Variants in RUSC1 observed in about 807,000 individuals in gnomAD.
RUSC1 encodes AP-4 complex accessory subunit RUSC1.
RUSC1 carries 40 observed loss-of-function variants against 72.1 expected under a neutral mutation model. The observed-to-expected ratio is 0.55, with a 90% CI of 0.43 to 0.72. The LOEUF is 0.72. Ranked by LOEUF, RUSC1 falls within the 30% of genes least tolerant of loss-of-function variation. The probability of loss-of-function intolerance (pLI) is 0.00; values close to 1 mark genes in which losing one functional copy is unlikely to be tolerated. For synonymous variants in RUSC1, 512 were observed against 494.2 expected (o/e 1.04, Z -0.48); for missense variants, 1,092 against 1,172.3 (o/e 0.93, Z 1.00).
In RUSC1 at chr1:155,328,033, C is replaced by A. The variant is rs1002277075; in HGVS notation, c.2415-117C>A. 3 of 1,348,178 alleles carry A rather than the reference C, an allele frequency of 2.2e-6. No individual in the cohort carries two copies. In the African/African-American group the frequency reaches 4.5e-5, roughly 20 times the overall value. The allele number at this position is 1,348,178 out of a possible 1,614,324, so 83.5% of individuals were successfully genotyped here. On this transcript the variant is annotated intron_variant, in intron 8 of 9. Coordinates refer to ENST00000368352, the MANE Select transcript of RUSC1 (RefSeq NM_001105203.2). Reference sequence around the variant, plus strand: ...ACACTCTGCCCTCAGCAGTGACTAACCCCTGACCTCTTTTGAACCACAATT... The same window carrying A: ...ACACTCTGCCCTCAGCAGTGACTAAACCCTGACCTCTTTTGAACCACAATT...
At chr1:155,330,212 G>A (rs1489285112) in intron 9 of RUSC1, among the ~76,000 whole-genome samples, 191 bp from the exon 10 acceptor site, 1 of 152,116 alleles carries the variant, frequency 6.6e-6, no homozygotes, top group Non-Finnish European at 1.5e-5. Context: ...AGCTGGAGTG[G>A]GTTTGCCACT....
At chr1:155,323,878 C>T (rs1431446431) in intron 2 of RUSC1, 3 of 984,278 alleles carry the variant, frequency 3.0e-6, no homozygotes, top group Non-Finnish European at 2.4e-6. Context: ...CACTCTCGCC[C>T]GGCCCCGTTT....
In RUSC1 at chr1:155,322,047, G is replaced by A; in HGVS notation, c.274G>A (p.Glu92Lys). Reference sequence around the variant, plus strand: ...CCGGCAGGACCCGTCACAGGAGGAAGAGGGGGCTGCCTCTCCCTCAGACCC... The same window carrying A: ...CCGGCAGGACCCGTCACAGGAGGAAAAGGGGGCTGCCTCTCCCTCAGACCC... ...ENRQDPSQEEEGAASPSDPGC... is the reference protein window; with the variant it reads ...ENRQDPSQEEKGAASPSDPGC... Residue 92 changes from glutamate to lysine, a missense_variant, in exon 2 of 10, where the codon GAG becomes AAG. Physicochemically the swap from Glu to Lys is moderately conservative, Grantham distance 56. Coordinates refer to ENST00000368352, the MANE Select transcript of RUSC1 (RefSeq NM_001105203.2). The A allele has an allele frequency of 6.2e-7, 1 of 1,613,488 alleles. No homozygotes were observed. The highest frequency in any genetic ancestry group is 1.3e-5 in the African/African-American group (1 of 75,042).
At position 155,325,089 on chromosome 1, in the gene RUSC1, C is replaced by T; in HGVS notation, c.1457-13C>T. The T allele has an allele frequency of 6.2e-7, 1 of 1,614,244 alleles. No individual in the cohort carries two copies. ...GCGGCCTCCTAGCGTCTTCCCTTTC[C>T]CACTCCTCCCAGGTCTTCTGATAGC... On this transcript the variant is annotated splice_polypyrimidine_tract_variant and intron_variant, in intron 3 of 9. Coordinates refer to ENST00000368352, the MANE Select transcript of RUSC1 (RefSeq NM_001105203.2). The surrounding 1 kb of genome is among the most constrained non-coding windows in gnomAD (Gnocchi z 6.5).
rs1651936347 is a variant in RUSC1 at position 155,330,753 on chromosome 1, TGCTC to T, written c.*183_*186del. 1.9e-6 allele frequency: 1 copy of T among 519,920 alleles called. No individual in the cohort carries two copies. Among genetic ancestry groups the T allele is most frequent in the East Asian group, 3.4e-5 (1 of 29,152 alleles). 32.2% of individuals were successfully genotyped at this position (519,920 alleles called of 1,614,324 possible). Reference sequence around the variant, plus strand: ...CTATACCCACCTGTAAGGTGAAATCTGCTCTTCTTCCAAATATATAAAAAAGGAA... The same window carrying T: ...CTATACCCACCTGTAAGGTGAAATCTTTCTTCCAAATATATAAAAAAGGAA... On this transcript the variant is annotated 3_prime_UTR_variant, in exon 10 of 10. Transcript: ENST00000368352.
At position 155,326,674 on chromosome 1, in the gene RUSC1, G is replaced by C; in HGVS notation, c.1956G>C (p.Gln652His). Residue 652 changes from glutamine to histidine, a missense_variant, in exon 8 of 10, where the codon CAG (glutamine) becomes CAC (histidine). Transcript: ENST00000368352. The surrounding 1 kb of genome is among the most constrained non-coding windows in gnomAD (Gnocchi z 4.7). ...SLSTELLLLLQPLSVLTFHLD... is the reference protein window; with the variant it reads ...SLSTELLLLLHPLSVLTFHLD... ...CCACAGAGCTGCTGCTCCTGCTGCA[G>C]CCATTGTCGGTGCTCACTTTCCACC... 6.2e-7 allele frequency: 1 copy of C among 1,613,848 alleles called. No homozygotes were observed.
intron 9 of RUSC1, among the ~76,000 whole-genome samples, chr1:155,329,034 G>T (rs1450635545): frequency 1.3e-5 from 2 of 152,152 alleles, no homozygotes; most frequent in East Asian, 3.9e-4. Flanking sequence ...ACCCGGCCAG[G>T]ATTCTTTCTA....
chr1:155,328,095 G>T, intron 8 of RUSC1, 55 bp from the exon 9 acceptor site: 1 of 1,580,620 alleles, frequency 6.3e-7, no homozygotes, highest in Non-Finnish European at 8.6e-7. Flanking sequence ...AAACCCCAGG[G>T]TTCTTGGGTT....
At position 155,321,670 on chromosome 1, in the gene RUSC1, A is replaced by C; in HGVS notation, c.-86-18A>C. On this transcript the variant is annotated intron_variant, in intron 1 of 9. Coordinates refer to ENST00000368352, the MANE Select transcript of RUSC1 (RefSeq NM_001105203.2). ...CTCTTGTCCTCACTGGCCGGGCTTC[A>C]CCACCTCTGTCTTCTAGGTCTGCAC... 1 of 1,483,344 alleles carries C rather than the reference A, an allele frequency of 6.7e-7. No individual in the cohort carries two copies. Among genetic ancestry groups the C allele is most frequent in the Non-Finnish European group, 9.3e-7 (1 of 1,079,560 alleles). The allele number at this position is 1,483,344 out of a possible 1,614,324, so 91.9% of individuals were successfully genotyped here.
At chr1:155,329,613 C>T (rs1222972086) in intron 9 of RUSC1, among the ~76,000 whole-genome samples, 2 of 151,032 alleles carry the variant, frequency 1.3e-5, no homozygotes, top group Admixed American at 6.6e-5. Flanking sequence ...AGGATGGTCT[C>T]GATCTCTTGA....
chr1:155,325,638 A>G lies in RUSC1; in HGVS notation c.1780A>G (p.Ser594Gly), dbSNP rs896147609. Residue 594 changes from serine to glycine, a missense_variant, in exon 6 of 10, where the codon AGC becomes GGC. By Grantham distance (56) the Ser-to-Gly change is moderately conservative (BLOSUM62 0). Transcript: ENST00000368352. This position sits in a 1 kb window ranked among gnomAD's most constrained non-coding sequence, Gnocchi z 6.5. ...SRLAPLSSSRSRFHAFILGLL... is the reference protein window; with the variant it reads ...SRLAPLSSSRGRFHAFILGLL... ...TCTAGCCCCGCTGAGCAGCAGCCGT[A>G]GCCGCTTCCATGCCTTTATCCTGGG... is the stretch of plus-strand genomic sequence containing the variant. The G allele has an allele frequency of 2.5e-6, 4 of 1,613,746 alleles. No individual in the cohort carries two copies. The highest frequency in any genetic ancestry group is 3.4e-6 in the Non-Finnish European group (4 of 1,180,020).
At chr1:155,321,227 C>T (rs1650419769) in intron 1 of RUSC1, 2 of 1,357,682 alleles carry the variant, frequency 1.5e-6, no homozygotes, top group African/African-American at 1.5e-5. Flanking sequence ...CCATCCTTTT[C>T]CTCTCCAGCC....
In RUSC1 at chr1:155,322,249, GCTT is replaced by G; in HGVS notation, c.479_481del (p.Phe160del). The G allele has an allele frequency of 6.2e-7, 1 of 1,613,110 alleles. No individual in the cohort carries two copies. The highest frequency in any genetic ancestry group is 1.7e-5 in the Admixed American group (1 of 59,944). The stretch of plus-strand genomic sequence containing the variant: ...GGCCCTGGCACCTGCTCACCGGACA[GCTT>G]CTGCTGCTCTCCTGATTCCTGCTCC... On this transcript the variant is annotated inframe_deletion, in exon 2 of 10. Coordinates refer to ENST00000368352, the MANE Select transcript of RUSC1 (RefSeq NM_001105203.2).
At chr1:155,321,634 C>A in intron 1 of RUSC1, 54 bp from the exon 2 acceptor site, 1 of 1,299,318 alleles carries the variant, frequency 7.7e-7, no homozygotes, top group East Asian at 2.3e-5. Context: ...CCTCGGTGTC[C>A]TTCCCCGCAG....
chr1:155,321,150 C>G (rs751318429), intron 1 of RUSC1, 159 bp downstream of exon 1: 2 of 1,376,470 alleles, frequency 1.5e-6, no homozygotes, highest in Admixed American at 1.9e-5. Context: ...TTCCGAGGGG[C>G]GAGGGCGCAG....
chr1:155,323,285 G>A (rs766345469), intron 2 of RUSC1, among the ~76,000 whole-genome samples, 155 bp downstream of exon 2: 1 of 152,052 alleles, frequency 6.6e-6, no homozygotes, highest in Admixed American at 6.5e-5. Flanking sequence ...AACTGGGTGG[G>A]TCATTGGGTT....
At position 155,327,017 on chromosome 1, in the gene RUSC1, C is replaced by A. The variant is rs777283225; in HGVS notation, c.2299C>A (p.Gln767Lys). The A allele has an allele frequency of 9.3e-6, 15 of 1,613,442 alleles. No homozygotes were observed. Among genetic ancestry groups the A allele is most frequent in the Admixed American group, 3.3e-5 (2 of 60,008 alleles). ...RHGTAAEEGA[Q>K]ERPLPTDEMA... ...TGGGACTGCAGCTGAAGAAGGTGCA[C>A]AGGAGAGACCCCTGCCCACAGATGA... The change falls in exon 8 of 10, where the codon CAG (glutamine) becomes AAG (lysine). Residue 767 changes from glutamine to lysine, a missense_variant. Physicochemically the swap from Gln to Lys is moderately conservative, Grantham distance 53. Transcript: ENST00000368352.
Position 155,321,769 on chromosome 1 carries a change from G to A in RUSC1, c.-5G>A, listed in dbSNP as rs1355197491. The A allele has an allele frequency of 1.9e-6, 3 of 1,613,964 alleles. No homozygotes were observed. Among genetic ancestry groups the A allele is most frequent in the Admixed American group, 1.7e-5 (1 of 60,014 alleles). On this transcript the variant is annotated 5_prime_UTR_variant, in exon 2 of 10. Coordinates refer to ENST00000368352, the MANE Select transcript of RUSC1 (RefSeq NM_001105203.2). ...TCTAGAAGCCATCCCATCGCCGCTA[G>A]CATCATGCTGTCCCCTCAGAGAGCT...
rs1004822135 is a variant in RUSC1 at position 155,324,474 on chromosome 1, C to T, written c.1358-371C>T. On this transcript the variant is annotated intron_variant, in intron 2 of 9. Transcript: ENST00000368352. ...GGCAGGACTGGGCCCCGGGGCGGTG[C>T]GCTGGGCTACACCTCCCTCCCCGCG... The T allele has an allele frequency of 3.1e-6, 5 of 1,609,922 alleles. No individual in the cohort carries two copies. The African/African-American group carries it at 5.3e-5, about 17-fold the overall frequency.
Sources: gnomAD v4.1 joint callset for allele counts (sites outside exome capture counted in the v4.1 genomes callset) on GRCh38, gnomAD v4.1.1 for gene constraint, Gnocchi (gnomAD v3.1) non-coding constraint, MANE v1.5 for transcripts, NCBI Gene and HGNC (gene_info 2026-07-23, HGNC 2026-07-21) for gene names.